The following PLCG2 variants were observed in gnomAD, a reference collection of about 807,000 sequenced individuals.
PLCG2 encodes the protein phospholipase C gamma 2.
PLCG2 carries 69 observed loss-of-function variants against 175.6 expected under a neutral mutation model. The ratio of observed to expected loss-of-function variants is 0.39; its 90% confidence interval spans 0.32 to 0.48. PLCG2 has a LOEUF of 0.48. Among genes scored for constraint, PLCG2 ranks in the 20% least tolerant of loss-of-function variants. PLCG2 has a pLI of 0.91. For synonymous variants in PLCG2, 827 were observed against 624.0 expected, an observed-to-expected ratio of 1.33 and a Z score of -4.85; for missense variants, 1,798 against 1,650.9, an observed-to-expected ratio of 1.09 and a Z score of -1.54.
intron 26 of PLCG2, among the ~76,000 whole-genome samples, chr16:81,934,934 C>T (rs562238446): frequency 7.2e-5 from 11 of 152,218 alleles, no homozygotes; most frequent in Admixed American, 4.6e-4. Context: ...GGAAACCACC[C>T]CCATGATTCA....
chr16:81,847,237 T>C (rs1489019616), intron 2 of PLCG2, among the ~76,000 whole-genome samples: 3 of 152,194 alleles, frequency 2.0e-5, no homozygotes, highest in African/African-American at 7.2e-5. Context: ...AAGAGATGCA[T>C]AGGGCATAGG....
chr16:81,911,200 C>T (rs1909606211), intron 18 of PLCG2, among the ~76,000 whole-genome samples: 1 of 152,146 alleles, frequency 6.6e-6, no homozygotes, highest in Non-Finnish European at 1.5e-5. Context: ...CAAAAATGTC[C>T]ATTTCCGAGG....
chr16:81,805,845 T>TGGGTGA (rs1911997568), intron 2 of PLCG2, among the ~76,000 whole-genome samples: 1 of 145,360 alleles, frequency 6.9e-6, no homozygotes, highest in Non-Finnish European at 1.5e-5. Context: ...GATTTTGTTC[T>TGGGTGA]GGGTGAAGTG....
chr16:81,895,236 A>C (rs1908829345), intron 12 of PLCG2, among the ~76,000 whole-genome samples: 1 of 152,218 alleles, frequency 6.6e-6, no homozygotes, highest in South Asian at 2.1e-4. Context: ...TAAAGTCAGA[A>C]AATAAAACAC....
At chr16:81,777,605 A>G (rs1229651062), upstream of PLCG2, among the ~76,000 whole-genome samples, 2 of 152,052 alleles carry the variant, frequency 1.3e-5, no homozygotes, top group East Asian at 3.9e-4. Flanking sequence ...GAGCACAGCT[A>G]TACACGCCAG....
At chr16:81,874,957 T>TTTTTTGTTC in intron 7 of PLCG2, among the ~76,000 whole-genome samples, 1 of 142,452 alleles carries the variant, frequency 7.0e-6, no homozygotes, top group East Asian at 2.0e-4. Flanking sequence ...TGTTTTTTTT[T>TTTTTTGTTC]TTTTTTTTTT....
At chr16:81,945,123 G>C (rs897016029) in intron 30 of PLCG2, among the ~76,000 whole-genome samples, 9 of 152,226 alleles carry the variant, frequency 5.9e-5, no homozygotes, top group Non-Finnish European at 1.2e-4. Context: ...GTGTAAGAAT[G>C]TGACCTTCCT....
chr16:81,800,805 C>A (rs1211484431), intron 2 of PLCG2, among the ~76,000 whole-genome samples: 2 of 152,094 alleles, frequency 1.3e-5, no homozygotes, highest in African/African-American at 4.8e-5. Flanking sequence ...ATGCTCCTTG[C>A]AGATTGAACA....
intron 22 of PLCG2, among the ~76,000 whole-genome samples, chr16:81,925,192 T>C (rs1910211898): frequency 6.6e-6 from 1 of 152,222 alleles, no homozygotes; most frequent in African/African-American, 2.4e-5. Flanking sequence ...CAAGGGACTG[T>C]GGGCAAACCG....
intron 2 of PLCG2, among the ~76,000 whole-genome samples, chr16:81,817,630 ATTATT>A (rs1349506367): frequency 6.6e-6 from 1 of 152,150 alleles, no homozygotes; most frequent in Non-Finnish European, 1.5e-5. Context: ...GTACCTTGTG[ATTATT>A]TTATTTTATC....
At chr16:81,822,370 G>A (rs1458756875) in intron 2 of PLCG2, among the ~76,000 whole-genome samples, 1 of 152,208 alleles carries the variant, frequency 6.6e-6, no homozygotes, top group Admixed American at 6.5e-5. Flanking sequence ...TTGGTAAAGA[G>A]GACCTTGCAG....
At chr16:81,824,386 A>C (rs1039681540) in intron 2 of PLCG2, among the ~76,000 whole-genome samples, 3 of 151,960 alleles carry the variant, frequency 2.0e-5, no homozygotes. Flanking sequence ...CACCCACCTC[A>C]ACCTCCCAAA....
chr16:81,936,005 C>T (rs998006165), intron 26 of PLCG2, 164 bp from the exon 27 acceptor site: 1 of 985,146 alleles, frequency 1.0e-6, no homozygotes, highest in Non-Finnish European at 1.2e-6. Flanking sequence ...GGCAAGAGTC[C>T]ACAGTGATAC....
intron 19 of PLCG2, 108 bp from the exon 20 acceptor site, chr16:81,919,376 C>T: frequency 1.3e-6 from 1 of 799,994 alleles, no homozygotes. Context: ...TATTTACCCA[C>T]TTCTCTAAGG....
chr16:81,913,858 A>G (rs1909733435), intron 19 of PLCG2, among the ~76,000 whole-genome samples: 1 of 151,994 alleles, frequency 6.6e-6, no homozygotes, highest in South Asian at 2.1e-4. Context: ...TGCCTGCACC[A>G]CTATGCCTGA....
chr16:81,884,532 C>T (rs1330768092), intron 9 of PLCG2, among the ~76,000 whole-genome samples: 1 of 152,098 alleles, frequency 6.6e-6, no homozygotes, highest in Non-Finnish European at 1.5e-5. Flanking sequence ...CCCCAGTTTC[C>T]CCCTCTTTAA....
chr16:81,908,774 A>G (rs568023829), intron 17 of PLCG2, among the ~76,000 whole-genome samples, 183 bp downstream of exon 17: 1 of 152,294 alleles, frequency 6.6e-6, no homozygotes, highest in East Asian at 1.9e-4. Context: ...TCGGCACTGT[A>G]ACCCAGATTA....
intron 2 of PLCG2, among the ~76,000 whole-genome samples, chr16:81,826,086 C>T (rs533470853): frequency 1.2e-4 from 18 of 152,292 alleles, no homozygotes; most frequent in East Asian, 3.9e-4. Context: ...ACCAAAACAA[C>T]GGAGATCTCT....
intron 9 of PLCG2, among the ~76,000 whole-genome samples, chr16:81,886,330 T>C (rs1908365653): frequency 6.6e-6 from 1 of 152,244 alleles, no homozygotes; most frequent in African/African-American, 2.4e-5. Context: ...CGAGCAGCCA[T>C]GAGCATCCAT....
Sources: gnomAD v4.1 joint callset for allele counts (sites outside exome capture counted in the v4.1 genomes callset) on GRCh38, gnomAD v4.1.1 for gene constraint, MANE v1.5 for transcripts, NCBI Gene and HGNC (gene_info 2026-07-23, HGNC 2026-07-21) for gene names.